Variants in PATJ observed in about 807,000 individuals in gnomAD.
PATJ encodes the protein inaD-like protein.
In PATJ, 190 loss-of-function variants were observed where a neutral mutation model predicts 224.9. The ratio of observed to expected loss-of-function variants is 0.84; its 90% CI spans 0.75 to 0.95. The LOEUF is 0.95. Among genes scored for constraint, PATJ ranks in the 40% least tolerant of loss-of-function variants. The probability of loss-of-function intolerance (pLI) is 0.00; values close to 1 mark genes in which losing one functional copy is unlikely to be tolerated. For synonymous variants in PATJ, 769 were observed against 820.3 expected, an observed-to-expected ratio of 0.94 and a Z score of 1.07; for missense variants, 2,121 against 2,270.3, an observed-to-expected ratio of 0.93 and a Z score of 1.34.
chr1:61,871,485 G>GTATATACATA (rs1557793331), intron 20 of PATJ, among the ~76,000 whole-genome samples: 1 of 100,184 alleles, frequency 1.0e-5, no homozygotes, highest in Non-Finnish European at 2.0e-5. Flanking sequence ...ATATATATGT[G>GTATATACATA]TATATATGTA....
intron 3 of PATJ, among the ~76,000 whole-genome samples, chr1:61,764,420 ATTT>A (rs59652657): frequency 3.0e-3 from 449 of 147,480 alleles, no homozygotes; most frequent in Middle Eastern, 7.1e-3. Context: ...CAGTTGTGGG[ATTT>A]TTTTTTTTTT....
chr1:61,950,314 G>T (rs933186130), intron 27 of PATJ, among the ~76,000 whole-genome samples: 8 of 152,176 alleles, frequency 5.3e-5, no homozygotes, highest in Non-Finnish European at 8.8e-5. Context: ...ATTTTACGTT[G>T]AGGAGGCTGA....
chr1:61,893,925 T>C (rs1256904229), intron 22 of PATJ, among the ~76,000 whole-genome samples: 2 of 151,882 alleles, frequency 1.3e-5, no homozygotes. Flanking sequence ...AAGGTTTGTA[T>C]TGTTTTAGGT....
At chr1:62,140,820 G>A (rs1233871769) in intron 41 of PATJ, among the ~76,000 whole-genome samples, 2 of 151,480 alleles carry the variant, frequency 1.3e-5, no homozygotes, top group African/African-American at 4.9e-5. Flanking sequence ...GAAGTGGGAG[G>A]ATCACTTGAG....
chr1:61,752,337 G>A lies in PATJ; in HGVS notation c.-36+9782G>A, dbSNP rs1380659347. ...TTTTTTTTTTTTTTTTTTTTAAGAC[G>A]GAGTCTTGCTCTGTCACCCAGGCTG... On this transcript the variant is annotated intron_variant, in intron 1 of 43. Coordinates refer to ENST00000642238, the MANE Select transcript of PATJ (RefSeq NM_001350145.3). 5.3e-5 allele frequency among the ~76,000 whole-genome samples: 7 copies of A among 130,988 alleles called. No homozygotes were observed. In the South Asian group the frequency reaches 9.6e-4, roughly 18 times the overall value. 85.9% of individuals were successfully genotyped at this position (130,988 alleles called of 152,430 possible). A position where few individuals can be genotyped will look rare whatever the true frequency, so the allele number is the denominator to read the frequency against.
chr1:61,877,250 G>T, intron 21 of PATJ, among the ~76,000 whole-genome samples: 1 of 74,882 alleles, frequency 1.3e-5, no homozygotes. Flanking sequence ...CAGCATATCA[G>T]TTCATTACTT....
chr1:62,137,142 A>G (rs1255722519), intron 41 of PATJ, among the ~76,000 whole-genome samples: 1 of 151,998 alleles, frequency 6.6e-6, no homozygotes, highest in Non-Finnish European at 1.5e-5. Flanking sequence ...ATAAATACAC[A>G]ATATTTCACT....
rs948425162 is a variant in PATJ at position 61,938,913 on chromosome 1, T to G, written c.3670+11084T>G. The stretch of plus-strand genomic sequence containing the variant: ...TCTTCTCAAGAAAATTACAAATTGA[T>G]TTAAAAAGAATCATGTAATTCTTGG... On this transcript the variant is annotated intron_variant, in intron 27 of 43. Coordinates refer to ENST00000642238, the MANE Select transcript of PATJ (RefSeq NM_001350145.3). Among the ~76,000 whole-genome samples, 3 of 151,170 alleles carry G rather than the reference T, an allele frequency of 2.0e-5. No homozygotes were observed. The South Asian group carries it at 6.3e-4, about 32-fold the overall frequency.
chr1:62,106,061 A>ATATAT lies in PATJ; in HGVS notation c.4378-2376_4378-2375insTATAT, dbSNP rs1416758766. Among the ~76,000 whole-genome samples, 100 of 32,536 alleles carry ATATAT rather than the reference A, an allele frequency of 3.1e-3. 4 individuals carry two copies. The highest frequency in any genetic ancestry group is 0.01 in the African/African-American group (92 of 8,884). The allele number at this position is 32,536 out of a possible 152,430, so 21.3% of individuals were successfully genotyped here. Reference sequence around the variant, plus strand: ...GACTCCTCTTAAAAAAAAAAAAAAAAAAATATATATATATATATACACACA... The same window carrying ATATAT: ...GACTCCTCTTAAAAAAAAAAAAAAAATATATAAATATATATATATATATACACACA... On this transcript the variant is annotated intron_variant, in intron 33 of 43. Transcript: ENST00000642238.
chr1:61,802,318 C>A (rs1277932950), intron 12 of PATJ, among the ~76,000 whole-genome samples: 2 of 152,236 alleles, frequency 1.3e-5, no homozygotes, highest in East Asian at 1.9e-4. Flanking sequence ...GTCTCAAACT[C>A]CTGGCTTCAA....
chr1:61,944,893 C>T (rs1242521917), intron 27 of PATJ, among the ~76,000 whole-genome samples: 2 of 152,222 alleles, frequency 1.3e-5, no homozygotes, highest in Non-Finnish European at 2.9e-5. Context: ...AGAGACTCTA[C>T]AAGCCAGAAG....
Position 61,787,987 on chromosome 1 carries a change from C to A in PATJ, c.1068+15C>A, listed in dbSNP as rs769381829. 1 of 1,590,460 alleles carries A rather than the reference C, an allele frequency of 6.3e-7. No individual in the cohort carries two copies. The highest frequency in any genetic ancestry group is 1.1e-5 in the South Asian group (1 of 90,554). ...GCCCTGGTTCTGTGAGTATACATAT[C>A]ATTCTTTCATCTTAAACCAAAGCCT... On this transcript the variant is annotated intron_variant, in intron 8 of 43. Transcript: ENST00000642238.
rs187417242 is a variant in PATJ, at chr1:62,128,864, T to C, written c.5190T>C (p.Ile1730=). 3 of 1,612,692 alleles carry C rather than the reference T, an allele frequency of 1.9e-6. No individual in the cohort carries two copies. The highest frequency in any genetic ancestry group is 2.5e-6 in the Non-Finnish European group (3 of 1,178,722). Residue 1730 remains isoleucine (I), a synonymous_variant, in exon 41 of 44, where the codon ATT becomes ATC. Coordinates refer to ENST00000642238, the MANE Select transcript of PATJ (RefSeq NM_001350145.3). ...AGGTTGGAGATCGGATTGTCAGCAT[T>C]AACGGGCAACCTTTGGATGGGCTGT... ...KLKVGDRIVS[I]NGQPLDGLSH...
chr1:62,079,412 C>G, intron 31 of PATJ, 38 bp from the exon 32 acceptor site: 1 of 1,218,514 alleles, frequency 8.2e-7, no homozygotes, highest in Non-Finnish European at 1.2e-6. Flanking sequence ...TTACCTTTCT[C>G]CTTTTTGATA....
At chr1:61,788,078 C>A (rs977365458) in intron 8 of PATJ, 106 bp downstream of exon 8, 1 of 816,428 alleles carries the variant, frequency 1.2e-6, no homozygotes, top group South Asian at 1.8e-5. Flanking sequence ...GTGAGTTGTG[C>A]GCTCACTAGT....
At position 61,858,259 on chromosome 1, in the gene PATJ, G is replaced by A. The variant is rs568289790; in HGVS notation, c.2322+2020G>A. Among the ~76,000 whole-genome samples, 31 of 152,016 alleles carry A rather than the reference G, an allele frequency of 2.0e-4. No homozygotes were observed. In the East Asian group the frequency reaches 2.1e-3, roughly 10 times the overall value. On this transcript the variant is annotated intron_variant, in intron 18 of 43. Coordinates refer to ENST00000642238, the MANE Select transcript of PATJ (RefSeq NM_001350145.3). ...GGAGTGGGGTGGGGGATGCCACAGAGCCATACTTTTTTTTCTTTTTGGAGA... is the reference window on the plus strand; with the variant it reads ...GGAGTGGGGTGGGGGATGCCACAGAACCATACTTTTTTTTCTTTTTGGAGA...
Position 61,990,224 on chromosome 1 carries a change from G to GA in PATJ, c.3732dup (p.Asp1245ArgfsTer2). 6.2e-7 allele frequency: 1 copy of GA among 1,613,704 alleles called. No homozygotes were observed. The highest frequency in any genetic ancestry group is 1.1e-5 in the South Asian group (1 of 90,938). On this transcript the variant is annotated frameshift_variant, in exon 28 of 44. Transcript: ENST00000642238. LOFTEE classifies it high-confidence loss of function. ...TGGAGAACTGCACATTATTGAACTTGAAAAAGATAAGAATGGACTTGGACT... is the reference window on the plus strand; with the variant it reads ...TGGAGAACTGCACATTATTGAACTTGAAAAAAGATAAGAATGGACTTGGACT...
intron 15 of PATJ, 76 bp downstream of exon 15, chr1:61,823,155 CCT>C (rs1338932163): frequency 8.8e-6 from 13 of 1,476,114 alleles, no homozygotes; most frequent in African/African-American, 7.0e-5. Context: ...TCACAAATCC[CCT>C]GAGTTATAGT....
At chr1:62,148,737 CTTG>C (rs1313146800) in intron 42 of PATJ, among the ~76,000 whole-genome samples, 9 of 152,090 alleles carry the variant, frequency 5.9e-5, no homozygotes, top group Admixed American at 1.3e-4. Flanking sequence ...GAGATGAAAT[CTTG>C]TTGTTATACT....
Sources: allele counts gnomAD v4.1 joint callset (sites outside exome capture counted in the v4.1 genomes callset), GRCh38; gene constraint gnomAD v4.1.1; transcripts MANE v1.5; gene names NCBI Gene and HGNC (gene_info 2026-07-23, HGNC 2026-07-21).